INTS4: variants seen among roughly 807,000 people sequenced by gnomAD.
INTS4 encodes MSTP093.
Under a neutral mutation model 119.5 loss-of-function variants are expected in INTS4, and 70 were observed. The ratio of observed to expected loss-of-function variants is 0.59; its 90% CI spans 0.48 to 0.71. The LOEUF is 0.71. Ranked by LOEUF, INTS4 falls within the 30% of genes least tolerant of loss-of-function variation. The pLI, the probability that INTS4 is intolerant of heterozygous loss-of-function variation, is 0.00. For missense variants in INTS4, 867 were observed against 1,173.2 expected (o/e 0.74, Z 3.81); for synonymous variants, 316 against 419.6 (o/e 0.75, Z 3.02).
At chr11:77,923,095 G>A (rs1953402971) in intron 12 of INTS4, among the ~76,000 whole-genome samples, 1 of 152,110 alleles carries the variant, frequency 6.6e-6, no homozygotes, top group Non-Finnish European at 1.5e-5. Context: ...CGAAGTGGCT[G>A]GATCAGGAGG....
intron 14 of INTS4, 41 bp downstream of exon 14, chr11:77,921,299 A>G (rs770386074): frequency 4.4e-6 from 7 of 1,602,398 alleles, no homozygotes; most frequent in Non-Finnish European, 6.0e-6. Flanking sequence ...ACCCTACCCC[A>G]TGCAAAATAA....
downstream of INTS4, among the ~76,000 whole-genome samples, chr11:77,877,452 T>C (rs1375999169): frequency 6.6e-6 from 1 of 152,234 alleles, no homozygotes; most frequent in East Asian, 1.9e-4. Context: ...CCAATTGTTA[T>C]TTAATCCATC....
chr11:77,897,618 A>G (rs1208018257), intron 18 of INTS4, among the ~76,000 whole-genome samples: 1 of 149,764 alleles, frequency 6.7e-6, no homozygotes, highest in Admixed American at 6.6e-5. Flanking sequence ...CTCCTGCCTC[A>G]GCCTCCCGAG....
rs1350447472 is a variant in INTS4, at chr11:77,958,760, C to G, written c.783G>C (p.Gln261His). The G allele has an allele frequency of 6.2e-7, 1 of 1,609,312 alleles. No individual in the cohort carries two copies. The highest frequency in any genetic ancestry group is 8.5e-7 in the Non-Finnish European group (1 of 1,177,672). Reference sequence around the variant, plus strand: ...CCCACACTGACCTTTCAGGATAGAGCTGACTGACGACCCAGATAAGCTGGA... The same window carrying G: ...CCCACACTGACCTTTCAGGATAGAGGTGACTGACGACCCAGATAAGCTGGA... The part of the protein sequence containing the change: ...AAVQLIWVVS[Q>H]LYPESIVPIP... Residue 261 changes from glutamine (Q) to histidine (H), a missense_variant, in exon 7 of 23, where the codon CAG becomes CAC. Physicochemically the swap from Gln to His is conservative, Grantham distance 24. Transcript: ENST00000534064.
intron 19 of INTS4, 74 bp downstream of exon 19, chr11:77,894,216 G>A (rs899492249): frequency 8.6e-5 from 64 of 746,172 alleles, no homozygotes; most frequent in Non-Finnish European, 1.3e-4. Context: ...ATTTGTGATT[G>A]TTCCTATTGC....
chr11:77,932,615 C>A (rs1953679640), intron 10 of INTS4, among the ~76,000 whole-genome samples: 1 of 152,112 alleles, frequency 6.6e-6, no homozygotes, highest in African/African-American at 2.4e-5. Flanking sequence ...GGGCATATAC[C>A]CAAAGCATTA....
At chr11:77,992,152 C>G (rs565542936) in intron 1 of INTS4, among the ~76,000 whole-genome samples, 1 of 152,162 alleles carries the variant, frequency 6.6e-6, no homozygotes, top group South Asian at 2.1e-4. Context: ...AATCCCAGCA[C>G]TTTGAGAGGC....
chr11:77,949,875 C>CATT (rs1288912109), intron 8 of INTS4, among the ~76,000 whole-genome samples: 11 of 152,198 alleles, frequency 7.2e-5, no homozygotes, highest in African/African-American at 2.6e-4. Context: ...GGGTATATAC[C>CATT]CAAAGGATTA....
intron 16 of INTS4, among the ~76,000 whole-genome samples, chr11:77,904,804 G>A (rs1952892150): frequency 6.6e-6 from 1 of 152,186 alleles, no homozygotes; most frequent in African/African-American, 2.4e-5. Context: ...GAAGTGATTA[G>A]CGTGTTTTGG....
rs1395698498 is a variant in INTS4 at position 77,935,911 on chromosome 11, A to AAAAGAAAGAGAGAAAAAAGG, written c.1165+2739_1165+2740insCCTTTTTTCTCTCTTTCTTT. ...ATCCTGTCTCAAAAAAAAAAAAAAG[A>AAAAGAAAGAGAGAAAAAAGG]AAAGAAGAGGTTTTGCGCTTCAAGT... On this transcript the variant is annotated intron_variant, in intron 10 of 22. Transcript: ENST00000534064. Among the ~76,000 whole-genome samples the AAAAGAAAGAGAGAAAAAAGG allele has an allele frequency of 3.4e-3, 484 of 142,474 alleles. 12 individuals carry two copies. Among genetic ancestry groups the AAAAGAAAGAGAGAAAAAAGG allele is most frequent in the African/African-American group, 0.012 (462 of 37,026 alleles). The allele number at this position is 142,474 out of a possible 152,430, so 93.5% of individuals were successfully genotyped here.
rs147242080 is a variant in INTS4 at position 77,926,954 on chromosome 11, T to C, written c.1371+1388A>G. On this transcript the variant is annotated intron_variant, in intron 11 of 22. Transcript: ENST00000534064. ...TGCTACAGCAGTATACACAGGGTGC[T>C]ATGGGAATAGAGTGGTGGCATTTAG... Among the ~76,000 whole-genome samples the C allele has an allele frequency of 1.4e-3, 218 of 152,278 alleles. 2 individuals carry two copies. The highest frequency in any genetic ancestry group is 2.5e-3 in the Non-Finnish European group (173 of 68,022).
chr11:77,941,265 A>G lies in INTS4; in HGVS notation c.919-14T>C. ...CTCCATAGAGCCCTATAAAAAGAAA[A>G]ATCCAGAGCATATAAAACAACTTTT... On this transcript the variant is annotated splice_polypyrimidine_tract_variant and intron_variant, in intron 8 of 22. Coordinates refer to ENST00000534064, the MANE Select transcript of INTS4 (RefSeq NM_033547.4). 6.3e-7 allele frequency: 1 copy of G among 1,596,236 alleles called. No individual in the cohort carries two copies. The highest frequency in any genetic ancestry group is 8.5e-7 in the Non-Finnish European group (1 of 1,175,336).
chr11:77,877,352 ACCT>A (rs1951627467), downstream of INTS4, among the ~76,000 whole-genome samples: 1 of 152,154 alleles, frequency 6.6e-6, no homozygotes, highest in Admixed American at 6.5e-5. Flanking sequence ...TTCCAGCTCC[ACCT>A]CTGAGTAATT....
chr11:77,912,565 G>C (rs920302373), intron 15 of INTS4, among the ~76,000 whole-genome samples: 2 of 152,084 alleles, frequency 1.3e-5, no homozygotes. Context: ...CACTATTAAA[G>C]ATAGTCAAAA....
chr11:77,930,891 CTACTA>C (rs1342249381), intron 10 of INTS4, among the ~76,000 whole-genome samples: 1 of 152,122 alleles, frequency 6.6e-6, no homozygotes, highest in African/African-American at 2.4e-5. Context: ...GAAAAGGAAT[CTACTA>C]TACTATATTT....
intron 3 of INTS4, among the ~76,000 whole-genome samples, chr11:77,980,850 G>A (rs565734774): frequency 3.3e-5 from 5 of 151,936 alleles, no homozygotes; most frequent in South Asian, 4.2e-4. Flanking sequence ...AAATCAGCCA[G>A]GGCGTGGTGG....
At chr11:77,897,522 A>G (rs1281072029) in intron 18 of INTS4, among the ~76,000 whole-genome samples, 1 of 150,964 alleles carries the variant, frequency 6.6e-6, no homozygotes, top group Non-Finnish European at 1.5e-5. Flanking sequence ...TTTTTTTGAG[A>G]CAGAGTCTCA....
intron 19 of INTS4, among the ~76,000 whole-genome samples, chr11:77,892,220 C>T (rs1422482649): frequency 2.0e-5 from 3 of 152,078 alleles, no homozygotes; most frequent in African/African-American, 7.2e-5. Flanking sequence ...ACACAGTGAA[C>T]GGAAGAGAAA....
At position 77,891,661 on chromosome 11, in the gene INTS4, G is replaced by C. The variant is rs747952837; in HGVS notation, c.2448+20C>G. 3 of 1,611,274 alleles carry C rather than the reference G, an allele frequency of 1.9e-6. No homozygotes were observed. Among genetic ancestry groups the C allele is most frequent in the Non-Finnish European group, 2.5e-6 (3 of 1,179,360 alleles). ...ACCGTCTGGACAGATTTGGCCTACAGGGGCCAAATAGACCCTGACCTGCTC... is the reference window on the plus strand; with the variant it reads ...ACCGTCTGGACAGATTTGGCCTACACGGGCCAAATAGACCCTGACCTGCTC... On this transcript the variant is annotated intron_variant, in intron 20 of 22. Coordinates refer to ENST00000534064, the MANE Select transcript of INTS4 (RefSeq NM_033547.4).
Sources: allele counts gnomAD v4.1 joint callset (sites outside exome capture counted in the v4.1 genomes callset), GRCh38; gene constraint gnomAD v4.1.1; transcripts MANE v1.5; gene names NCBI Gene and HGNC (gene_info 2026-07-23, HGNC 2026-07-21).